Variants in PCSK6 observed in about 807,000 individuals in gnomAD.
PCSK6 encodes paired basic amino acid cleaving enzyme 4.
In PCSK6, 85 loss-of-function variants were observed where a neutral mutation model predicts 123.3. The ratio of observed to expected loss-of-function variants is 0.69; its 90% CI spans 0.58 to 0.83. PCSK6 has a LOEUF of 0.83. Among genes scored for constraint, PCSK6 ranks in the 40% least tolerant of loss-of-function variants. PCSK6 has a pLI of 0.00. For missense variants in PCSK6, 1,191 were observed against 1,282.3 expected (o/e 0.93, Z 1.09); for synonymous variants, 508 against 516.0 (o/e 0.98, Z 0.21).
At chr15:101,472,683 C>G (rs997944155) in intron 1 of PCSK6, among the ~76,000 whole-genome samples, 5 of 152,150 alleles carry the variant, frequency 3.3e-5, no homozygotes, top group Non-Finnish European at 5.9e-5. Context: ...CAGGCTGGCA[C>G]AGCCATCAGC....
At chr15:101,446,635 A>C (rs919264762) in intron 1 of PCSK6, among the ~76,000 whole-genome samples, 1 of 152,260 alleles carries the variant, frequency 6.6e-6, no homozygotes, top group African/African-American at 2.4e-5. Context: ...CACGAGGATC[A>C]AAGAGTTCAT....
At chr15:101,329,636 C>A (rs2141368097) in intron 15 of PCSK6, among the ~76,000 whole-genome samples, 1 of 152,338 alleles carries the variant, frequency 6.6e-6, no homozygotes, top group African/African-American at 2.4e-5. Flanking sequence ...GTCTCCTGTA[C>A]CGGTGGAGCT....
chr15:101,373,179 G>A (rs1004308437), intron 11 of PCSK6, among the ~76,000 whole-genome samples: 3 of 152,136 alleles, frequency 2.0e-5, no homozygotes, highest in Admixed American at 2.0e-4. Flanking sequence ...GCTGGGTTGG[G>A]TGTGATCCTC....
At position 101,304,562 on chromosome 15, in the gene PCSK6, A is replaced by C. The variant is rs1414215922; in HGVS notation, c.*696T>G. ...ATGAGACTCCTGAAGACACAGACAG[A>C]ACACGGTAACAAGGAGAGCTCGGCT... On this transcript the variant is annotated 3_prime_UTR_variant, in exon 22 of 22. Coordinates refer to ENST00000611716, the MANE Select transcript of PCSK6 (RefSeq NM_002570.5). 6.6e-6 allele frequency: 1 copy of C among 152,228 alleles called. No individual in the cohort carries two copies. The highest frequency in any genetic ancestry group is 1.5e-5 in the Non-Finnish European group (1 of 68,056). The allele number at this position is 152,228 out of a possible 1,614,324, so 9.4% of individuals were successfully genotyped here.
intron 20 of PCSK6, chr15:101,312,425 A>C (rs1054132141): frequency 2.1e-5 from 3 of 144,538 alleles, no homozygotes; most frequent in Admixed American, 2.0e-4. Context: ...GGGAGGAAGC[A>C]CAAGAGGAGG....
At chr15:101,391,026 A>G (rs1178014203) in intron 8 of PCSK6, among the ~76,000 whole-genome samples, 1 of 151,596 alleles carries the variant, frequency 6.6e-6, no homozygotes, top group African/African-American at 2.4e-5. Context: ...CACACGTTTG[A>G]GCTGGGCCAA....
Position 101,307,416 on chromosome 15 carries a change from C to G in PCSK6, c.2700-91G>C, listed in dbSNP as rs983531425. 3.5e-6 allele frequency: 3 copies of G among 847,866 alleles called. No homozygotes were observed. In the African/African-American group the frequency reaches 5.0e-5, roughly 14 times the overall value. 52.5% of individuals were successfully genotyped at this position (847,866 alleles called of 1,614,324 possible). ...CAGAACCCTCACCTCCCTGCACCTCCTTCCCACCCCCTCAGCCTCGGTCCT... is the reference window on the plus strand; with the variant it reads ...CAGAACCCTCACCTCCCTGCACCTCGTTCCCACCCCCTCAGCCTCGGTCCT... On this transcript the variant is annotated intron_variant, in intron 20 of 21. Transcript: ENST00000611716.
intron 6 of PCSK6, 24 bp downstream of exon 6, chr15:101,427,868 G>T: frequency 6.5e-7 from 1 of 1,528,114 alleles, no homozygotes. Context: ...CCCTCGGCTC[G>T]CAGGCTGCCA....
intron 18 of PCSK6, among the ~76,000 whole-genome samples, chr15:101,319,619 G>A (rs1193680114): frequency 6.6e-6 from 1 of 152,180 alleles, no homozygotes; most frequent in African/African-American, 2.4e-5. Context: ...GGTGAGAGGG[G>A]CTGAAGGCTG....
chr15:101,366,044 A>G lies in PCSK6; in HGVS notation c.1858+152T>C. 2 of 797,306 alleles carry G rather than the reference A, an allele frequency of 2.5e-6. 1 individual carries two copies. The highest frequency in any genetic ancestry group is 3.8e-6 in the Non-Finnish European group (2 of 525,604). 49.4% of individuals were successfully genotyped at this position (797,306 alleles called of 1,614,324 possible). On this transcript the variant is annotated intron_variant, in intron 13 of 21. Transcript: ENST00000611716. ...AAAGCCACTGAACTGTCCACTTAAA[A>G]ATAATTAAAATGGTGAATTTTCTGT...
chr15:101,473,863 A>C (rs1342685224), intron 1 of PCSK6, among the ~76,000 whole-genome samples: 1 of 151,738 alleles, frequency 6.6e-6, no homozygotes, highest in Non-Finnish European at 1.5e-5. Flanking sequence ...TGACAGAGTG[A>C]GACTCATGTC....
At chr15:101,465,671 C>T (rs1446870876) in intron 1 of PCSK6, among the ~76,000 whole-genome samples, 1 of 113,894 alleles carries the variant, frequency 8.8e-6, no homozygotes, top group Non-Finnish European at 1.9e-5. Context: ...ACAATGGTGT[C>T]CTAAGAGATG....
At chr15:101,361,470 C>T (rs2041221595) in intron 13 of PCSK6, among the ~76,000 whole-genome samples, 1 of 152,092 alleles carries the variant, frequency 6.6e-6, no homozygotes, top group Non-Finnish European at 1.5e-5. Context: ...AGATAAGACC[C>T]CTCCATGAGG....
At chr15:101,332,223 T>C (rs2040386368) in intron 13 of PCSK6, among the ~76,000 whole-genome samples, 192 bp from the exon 14 acceptor site, 1 of 152,190 alleles carries the variant, frequency 6.6e-6, no homozygotes, top group African/African-American at 2.4e-5. Flanking sequence ...CAGTGTCTCA[T>C]TCCTGCAAGC....
intron 18 of PCSK6, among the ~76,000 whole-genome samples, chr15:101,321,941 A>C (rs2040133330): frequency 6.6e-6 from 1 of 152,264 alleles, no homozygotes; most frequent in African/African-American, 2.4e-5. Flanking sequence ...GATTGCATTA[A>C]ATGCAGTTTG....
chr15:101,427,773 G>T (rs112497153), intron 6 of PCSK6, 119 bp downstream of exon 6: 1 of 711,390 alleles, frequency 1.4e-6, no homozygotes, highest in Non-Finnish European at 2.4e-6. Context: ...TCTGGCCCAG[G>T]GGTCTGCTGA....
chr15:101,428,055 A>G (rs563918839), intron 5 of PCSK6, 75 bp from the exon 6 acceptor site: 26 of 1,191,430 alleles, frequency 2.2e-5, no homozygotes, highest in Admixed American at 8.0e-5. Flanking sequence ...GCTCAGTTCA[A>G]TGCAACAAGA....
At chr15:101,352,607 T>A (rs1329559610) in intron 13 of PCSK6, among the ~76,000 whole-genome samples, 1 of 152,244 alleles carries the variant, frequency 6.6e-6, no homozygotes, top group South Asian at 2.1e-4. Context: ...GTGGCTTTAT[T>A]AACGGACTAT....
intron 16 of PCSK6, among the ~76,000 whole-genome samples, chr15:101,325,548 T>C (rs1431402806): frequency 6.6e-6 from 1 of 152,196 alleles, no homozygotes; most frequent in African/African-American, 2.4e-5. Context: ...GCACCAGTGG[T>C]TGGTGGGTGC....
Sources: gnomAD v4.1 joint callset for allele counts (sites outside exome capture counted in the v4.1 genomes callset) on GRCh38, gnomAD v4.1.1 for gene constraint, MANE v1.5 for transcripts, NCBI Gene and HGNC (gene_info 2026-07-23, HGNC 2026-07-21) for gene names.